Variants in NUMBL observed in about 807,000 individuals in gnomAD.
NUMBL encodes the protein NUMB like endocytic adaptor protein, also known as numb-like protein.
In NUMBL, 20 loss-of-function variants were observed where a neutral mutation model predicts 48.9. That is an observed-to-expected ratio of 0.41 (90% CI 0.29 to 0.59). The LOEUF (loss-of-function observed/expected upper bound fraction) is 0.59. Ranked by LOEUF, NUMBL falls within the 20% of genes least tolerant of loss-of-function variation. The pLI, the probability that NUMBL is intolerant of heterozygous loss-of-function variation, is 0.31. For synonymous variants in NUMBL, 340 were observed against 348.7 expected (o/e 0.98, Z 0.28); for missense variants, 660 against 846.2 (o/e 0.78, Z 2.73).
rs1217960306 is a variant in NUMBL, at chr19:40,686,965, G to T, written c.55C>A (p.Pro19Thr). The change falls in exon 2 of 10, where the codon CCC becomes ACC. Residue 19 changes from proline to threonine, a missense_variant. Pro to Thr is a conservative substitution (Grantham distance 38). Coordinates refer to ENST00000252891, the MANE Select transcript of NUMBL (RefSeq NM_004756.5). ...CCCGGGGCCCCACAGGGGGCTGGGG[G>T]CAGGTGCCGCTCAGGCCTCCGGGGT... ...GGPRRPERHL[P>T]PAPCGAPGPP... The T allele has an allele frequency of 6.5e-7, 1 of 1,534,628 alleles. No homozygotes were observed. Among genetic ancestry groups the T allele is most frequent in the Non-Finnish European group, 8.8e-7 (1 of 1,141,002 alleles).
chr19:40,671,719 C>T (rs1046979062), intron 8 of NUMBL, among the ~76,000 whole-genome samples: 13 of 151,922 alleles, frequency 8.6e-5, no homozygotes, highest in Admixed American at 2.0e-4. Flanking sequence ...GAGGACATAA[C>T]GGGTAGGCGA....
At chr19:40,680,878 C>T in intron 6 of NUMBL, 39 bp downstream of exon 6, 1 of 1,612,176 alleles carries the variant, frequency 6.2e-7, no homozygotes, top group East Asian at 2.2e-5. Context: ...GATGCCAGGG[C>T]ATGGGAGGGA....
chr19:40,667,713 G>A lies in NUMBL; in HGVS notation c.1585C>T (p.Gln529Ter). 1 of 1,575,492 alleles carries A rather than the reference G, an allele frequency of 6.3e-7. No homozygotes were observed. The highest frequency in any genetic ancestry group is 8.6e-7 in the Non-Finnish European group (1 of 1,161,122). Residue 529 changes from glutamine to a stop codon, truncating the protein, a stop_gained, in exon 10 of 10, where the codon CAG (glutamine) becomes TAG (stop). Coordinates refer to ENST00000252891, the MANE Select transcript of NUMBL (RefSeq NM_004756.5). LOFTEE classifies it low-confidence loss of function (END_TRUNC). The surrounding 1 kb of genome is among the most constrained non-coding windows in gnomAD (Gnocchi z 6.1). The part of the protein sequence containing the change: ...AFCSAAQLQP[Q>*]PATLLGKAGA... ...GCTTTCCCAAGCAGAGTGGCAGGCT[G>A]AGGCTGGAGCTGGGCGGCTGAGCAG...
Position 40,687,032 on chromosome 19 carries a change from C to T in NUMBL, c.25-37G>A. 7.5e-7 allele frequency: 1 copy of T among 1,337,004 alleles called. No homozygotes were observed. The highest frequency in any genetic ancestry group is 1.0e-6 in the Non-Finnish European group (1 of 995,968). The allele number at this position is 1,337,004 out of a possible 1,614,324, so 82.8% of individuals were successfully genotyped here. On this transcript the variant is annotated intron_variant, in intron 1 of 9. Coordinates refer to ENST00000252891, the MANE Select transcript of NUMBL (RefSeq NM_004756.5). This position sits in a 1 kb window ranked among gnomAD's most constrained non-coding sequence, Gnocchi z 4.6. ...GGGGAGGAGAAGGTGAGAAGTTTGT[C>T]TGGGTTGGGGCTCAGTCTGATACTT...
rs139291809 is a variant in NUMBL at position 40,667,483 on chromosome 19, G to A, written c.1815C>T (p.Phe605=). ...NPFSGDLQKT[F]EIEL ...GCGGCTCGGGCTACAGTTCAATCTC[G>A]AATGTCTTTTGCAGGTCGCCAGAAA... Residue 605 remains phenylalanine, a synonymous_variant, in exon 10 of 10, where the codon TTC becomes TTT. Transcript: ENST00000252891. This position sits in a 1 kb window ranked among gnomAD's most constrained non-coding sequence, Gnocchi z 6.1. 1.5e-4 allele frequency: 237 copies of A among 1,603,142 alleles called. No individual in the cohort carries two copies. The African/African-American group carries it at 2.7e-3, about 18-fold the overall frequency.
Position 40,673,596 on chromosome 19 carries a change from C to G in NUMBL, c.784G>C (p.Val262Leu). Reference protein sequence around the residue: ...VAPGPAQPGHVSPTPATTSPG... With the variant: ...VAPGPAQPGHLSPTPATTSPG... Reference sequence around the variant, plus strand: ...GATGTGGTGGCTGGTGTCGGGGACACGTGCCCAGGCTGGGCAGGGCCAGGA... The same window carrying G: ...GATGTGGTGGCTGGTGTCGGGGACAGGTGCCCAGGCTGGGCAGGGCCAGGA... The change falls in exon 8 of 10, where the codon GTG becomes CTG. Residue 262 changes from valine to leucine, a missense_variant. Val to Leu is a conservative substitution (Grantham distance 32). This residue lies in a region of NUMBL where 278 missense variants were observed against 420.6 expected (regional missense o/e 0.66). Coordinates refer to ENST00000252891, the MANE Select transcript of NUMBL (RefSeq NM_004756.5). The surrounding 1 kb of genome is among the most constrained non-coding windows in gnomAD (Gnocchi z 5.9). 1.3e-6 allele frequency: 2 copies of G among 1,531,694 alleles called. No homozygotes were observed. The highest frequency in any genetic ancestry group is 1.8e-6 in the Non-Finnish European group (2 of 1,134,806). The allele number at this position is 1,531,694 out of a possible 1,614,324, so 94.9% of individuals were successfully genotyped here.
At position 40,687,834 on chromosome 19, in the gene NUMBL, G is replaced by A. The variant is rs924915598; in HGVS notation, c.25-839C>T. Among the ~76,000 whole-genome samples the A allele has an allele frequency of 3.9e-5, 6 of 152,242 alleles. No individual in the cohort carries two copies. In the East Asian group the frequency reaches 7.7e-4, roughly 20 times the overall value. On this transcript the variant is annotated intron_variant, in intron 1 of 9. Transcript: ENST00000252891. This position sits in a 1 kb window ranked among gnomAD's most constrained non-coding sequence, Gnocchi z 4.6. ...CTGACATCTGGTCACAGATGCACAC[G>A]GACAGACACACATTTGGTCCCACGG... is the stretch of plus-strand genomic sequence containing the variant.
Position 40,671,804 on chromosome 19 carries a change from C to T in NUMBL, c.1036+1540G>A, listed in dbSNP as rs114308650. On this transcript the variant is annotated intron_variant, in intron 8 of 9. Coordinates refer to ENST00000252891, the MANE Select transcript of NUMBL (RefSeq NM_004756.5). ...CACTGGCTGCTGGTGGGGAAGACAG[C>T]CCTTCTGCCTGCCTCCCTCAGGCAA... is the stretch of plus-strand genomic sequence containing the variant. Among the ~76,000 whole-genome samples the T allele has an allele frequency of 4.2e-3, 643 of 152,304 alleles. 2 individuals carry two copies. The highest frequency in any genetic ancestry group is 0.015 in the African/African-American group (621 of 41,570).
rs183752130 is a variant in NUMBL, at chr19:40,673,852, G to A, written c.731-203C>T. 2.1e-3 allele frequency among the ~76,000 whole-genome samples: 312 copies of A among 151,928 alleles called. 1 individual carries two copies. Among genetic ancestry groups the A allele is most frequent in the Non-Finnish European group, 3.7e-3 (250 of 67,966 alleles). ...TTCCCCAGGAGGCTCTTGGAAAACC[G>A]TCCCCCAGGCTCACCCTCTGTGTCT... On this transcript the variant is annotated intron_variant, in intron 7 of 9. Transcript: ENST00000252891. The surrounding 1 kb of genome is among the most constrained non-coding windows in gnomAD (Gnocchi z 5.9).
intron 9 of NUMBL, 147 bp downstream of exon 9, chr19:40,669,751 G>T (rs934098170): frequency 1.3e-4 from 130 of 993,776 alleles, no homozygotes; most frequent in Non-Finnish European, 1.7e-4. Flanking sequence ...ATCCATGGTT[G>T]TAGGATGATC....
At chr19:40,676,449 G>A (rs1404889276) in intron 7 of NUMBL, among the ~76,000 whole-genome samples, 1 of 151,948 alleles carries the variant, frequency 6.6e-6, no homozygotes, top group East Asian at 1.9e-4. Flanking sequence ...GGCTTCCCAG[G>A]TCTTAATACA....
At chr19:40,681,150 G>C in intron 5 of NUMBL, 93 bp from the exon 6 acceptor site, 1 of 1,403,982 alleles carries the variant, frequency 7.1e-7, no homozygotes, top group Non-Finnish European at 9.9e-7. Flanking sequence ...ATCCAGTCCT[G>C]AACAGGGTGG....
At position 40,666,311 on chromosome 19, in the gene NUMBL, T is replaced by C. The variant is rs954795772; in HGVS notation, c.*1157A>G. ...CCTGCCACCACGCCCGGCTAATTTT[T>C]GAATTTTTGGTAGAGACTGGGTTTC... is the stretch of plus-strand genomic sequence containing the variant. On this transcript the variant is annotated 3_prime_UTR_variant, in exon 10 of 10. Transcript: ENST00000252891. 2.0e-5 allele frequency: 3 copies of C among 152,088 alleles called. No individual in the cohort carries two copies. The highest frequency in any genetic ancestry group is 7.2e-5 in the African/African-American group (3 of 41,394). The allele number at this position is 152,088 out of a possible 1,614,324, so 9.4% of individuals were successfully genotyped here.
intron 8 of NUMBL, among the ~76,000 whole-genome samples, chr19:40,671,375 T>TGG (rs397734303): frequency 1.1e-4 from 17 of 151,506 alleles, no homozygotes; most frequent in East Asian, 7.7e-4. Context: ...GACATGTGTG[T>TGG]GGGGGGGTGC....
intron 9 of NUMBL, 56 bp from the exon 10 acceptor site, chr19:40,668,194 C>T: frequency 6.6e-7 from 1 of 1,515,386 alleles, no homozygotes; most frequent in Non-Finnish European, 8.9e-7. Flanking sequence ...GCAGAAGAAC[C>T]CCAGGCTGGG....
In NUMBL at chr19:40,673,234, G is replaced by T; in HGVS notation, c.1036+110C>A. ...TCCCACTCTCTCTCCTTTGCCCATG[G>T]CAGACAGTGCAAATCAATCACAGTG... On this transcript the variant is annotated intron_variant, in intron 8 of 9. Transcript: ENST00000252891. This position sits in a 1 kb window ranked among gnomAD's most constrained non-coding sequence, Gnocchi z 5.9. 4 of 1,150,036 alleles carry T rather than the reference G, an allele frequency of 3.5e-6. No individual in the cohort carries two copies. Among genetic ancestry groups the T allele is most frequent in the Non-Finnish European group, 4.8e-6 (4 of 831,446 alleles). The allele number at this position is 1,150,036 out of a possible 1,614,324, so 71.2% of individuals were successfully genotyped here. A position where few individuals can be genotyped will look rare whatever the true frequency, so the allele number is the denominator to read the frequency against.
chr19:40,677,520 G>A, intron 6 of NUMBL, 99 bp from the exon 7 acceptor site: 1 of 1,085,094 alleles, frequency 9.2e-7, no homozygotes, highest in Non-Finnish European at 1.3e-6. Context: ...GGTTGCCCCG[G>A]ATGAGTCTCT....
Position 40,687,568 on chromosome 19 carries a change from T to C in NUMBL, c.25-573A>G, listed in dbSNP as rs969074212. Among the ~76,000 whole-genome samples, 1 of 151,710 alleles carries C rather than the reference T, an allele frequency of 6.6e-6. No individual in the cohort carries two copies. Among genetic ancestry groups the C allele is most frequent in the Admixed American group, 6.6e-5 (1 of 15,224 alleles). On this transcript the variant is annotated intron_variant, in intron 1 of 9. Coordinates refer to ENST00000252891, the MANE Select transcript of NUMBL (RefSeq NM_004756.5). The surrounding 1 kb of genome is among the most constrained non-coding windows in gnomAD (Gnocchi z 4.6). ...CACCTGGTCACACCACCCACTGAAA[T>C]TTGGTCACTTCCACATTCTCAGCCA...
At chr19:40,690,260 G>C in intron 1 of NUMBL, 200 bp downstream of exon 1, 2 of 372,102 alleles carry the variant, frequency 5.4e-6, no homozygotes, top group Non-Finnish European at 4.8e-6. Flanking sequence ...CTTGGCAAGA[G>C]ATGGCCCAGG....
Sources: gnomAD v4.1 joint callset for allele counts (sites outside exome capture counted in the v4.1 genomes callset) on GRCh38, gnomAD v4.1.1 for gene constraint, gnomAD v4.1.1 regional missense constraint, Gnocchi (gnomAD v3.1) non-coding constraint, MANE v1.5 for transcripts, NCBI Gene and HGNC (gene_info 2026-07-23, HGNC 2026-07-21) for gene names.